ZFP91: variants seen among roughly 807,000 people sequenced by gnomAD.
ZFP91 encodes the protein ZFP91 zinc finger protein, atypical E3 ubiquitin ligase.
A neutral mutation model predicts 63.5 loss-of-function variants in ZFP91; 7 were observed. That is an observed-to-expected ratio of 0.11 (90% CI 0.06 to 0.21). ZFP91 has a LOEUF of 0.21. Among genes scored for constraint, ZFP91 ranks in the 10% least tolerant of loss-of-function variants. The probability of loss-of-function intolerance (pLI) is 1.00; values close to 1 mark genes in which losing one functional copy is unlikely to be tolerated. For synonymous variants in ZFP91, 330 were observed against 272.1 expected, an observed-to-expected ratio of 1.21 and a Z score of -2.10; for missense variants, 628 against 736.6, an observed-to-expected ratio of 0.85 and a Z score of 1.71.
rs1855177754 is a variant in ZFP91 at position 58,584,845 on chromosome 11, A to G, written c.342-11A>G. 6.5e-7 allele frequency: 1 copy of G among 1,533,942 alleles called. No homozygotes were observed. The highest frequency in any genetic ancestry group is 1.4e-5 in the African/African-American group (1 of 69,584). On this transcript the variant is annotated splice_polypyrimidine_tract_variant and intron_variant, in intron 1 of 10. Coordinates refer to ENST00000316059, the MANE Select transcript of ZFP91 (RefSeq NM_053023.5). ...GATTGTTCATTAATGTTTGATTCTT[A>G]TTTCTTTCAGATGCATAGAAAAAGT...
intron 2 of ZFP91, among the ~76,000 whole-genome samples, chr11:58,597,172 T>C (rs929563827): frequency 6.6e-6 from 1 of 152,208 alleles, no homozygotes; most frequent in Non-Finnish European, 1.5e-5. Context: ...CCTGACCTTT[T>C]TGTTGTACCA....
intron 2 of ZFP91, among the ~76,000 whole-genome samples, chr11:58,589,742 A>G (rs924205822): frequency 4.6e-5 from 7 of 152,204 alleles, no homozygotes; most frequent in Non-Finnish European, 1.5e-5. Flanking sequence ...ATCTTGTTCC[A>G]TGTTGGGTAT....
rs559933491 is a variant in ZFP91 at position 58,619,547 on chromosome 11, T to C, written c.*1841T>C. ...CTTATCAATTTTTTCAAAGAATTCT[T>C]TTTTCCCAAAAAGAGGAGTAACAAA... On this transcript the variant is annotated 3_prime_UTR_variant, in exon 11 of 11. Coordinates refer to ENST00000316059, the MANE Select transcript of ZFP91 (RefSeq NM_053023.5). The C allele has an allele frequency of 6.5e-6, 1 of 152,758 alleles. No individual in the cohort carries two copies. The highest frequency in any genetic ancestry group is 6.5e-5 in the Admixed American group (1 of 15,296). The allele number at this position is 152,758 out of a possible 1,614,324, so 9.5% of individuals were successfully genotyped here. A position where few individuals can be genotyped will look rare whatever the true frequency, so the allele number is the denominator to read the frequency against.
chr11:58,586,374 G>A (rs938688736), intron 2 of ZFP91, among the ~76,000 whole-genome samples: 7 of 152,072 alleles, frequency 4.6e-5, no homozygotes, highest in African/African-American at 1.7e-4. Flanking sequence ...ACAGGGTTTA[G>A]CCAGGCTGGA....
At chr11:58,613,709 T>G (rs770570554) in intron 8 of ZFP91, among the ~76,000 whole-genome samples, 4 of 151,204 alleles carry the variant, frequency 2.6e-5, no homozygotes, top group Non-Finnish European at 4.4e-5. Flanking sequence ...TTGAGTAGAT[T>G]ATTATTATTA....
chr11:58,607,921 C>T (rs1048594754), intron 2 of ZFP91, among the ~76,000 whole-genome samples: 1 of 151,928 alleles, frequency 6.6e-6, no homozygotes, highest in African/African-American at 2.4e-5. Flanking sequence ...AAACATAATA[C>T]AGTTAACCTC....
chr11:58,617,260 G>A lies in ZFP91; in HGVS notation c.1267G>A (p.Asp423Asn). 1 of 1,613,370 alleles carries A rather than the reference G, an allele frequency of 6.2e-7. No individual in the cohort carries two copies. The highest frequency in any genetic ancestry group is 8.5e-7 in the Non-Finnish European group (1 of 1,179,728). Residue 423 changes from aspartate to asparagine, a missense_variant, in exon 11 of 11, where the codon GAT becomes AAT. Around this residue, in one of 3 missense-constraint regions of ZFP91, gnomAD observed 76 missense variants for 230.9 expected, o/e 0.33. Transcript: ENST00000316059. This position sits in a 1 kb window ranked among gnomAD's most constrained non-coding sequence, Gnocchi z 4.2. ...TCTTAATTGGCACATGAAGAAACAT[G>A]ATGCAGACTCCTTCTACCAGTTTTC... ...ASLNWHMKKH[D>N]ADSFYQFSCN... is the part of the protein sequence containing the mutation.
intron 2 of ZFP91, among the ~76,000 whole-genome samples, chr11:58,603,254 G>C (rs1855520081): frequency 6.6e-6 from 1 of 152,198 alleles, no homozygotes; most frequent in Non-Finnish European, 1.5e-5. Flanking sequence ...ATATACTAAT[G>C]TGTGAGAGGA....
At chr11:58,590,874 C>G (rs568061749) in intron 2 of ZFP91, among the ~76,000 whole-genome samples, 1 of 150,466 alleles carries the variant, frequency 6.6e-6, no homozygotes, top group African/African-American at 2.4e-5. Context: ...ATTATTTAAC[C>G]GTTACCTAAC....
intron 2 of ZFP91, 86 bp downstream of exon 2, chr11:58,584,970 C>T: frequency 8.8e-7 from 1 of 1,137,738 alleles, no homozygotes. Flanking sequence ...CAAATTGGTT[C>T]CCATTTAAAA....
intron 4 of ZFP91, among the ~76,000 whole-genome samples, 171 bp from the exon 5 acceptor site, chr11:58,610,779 T>A (rs1393973387): frequency 6.6e-6 from 1 of 152,196 alleles, no homozygotes; most frequent in Non-Finnish European, 1.5e-5. Context: ...TAGTTTCAAT[T>A]ATTATTCTTT....
intron 2 of ZFP91, among the ~76,000 whole-genome samples, chr11:58,588,787 A>G (rs1855255821): frequency 2.0e-5 from 3 of 152,146 alleles, no homozygotes; most frequent in African/African-American, 7.2e-5. Context: ...AAAAATACAG[A>G]AGACACATTT....
chr11:58,610,889 A>C lies in ZFP91; in HGVS notation c.618-61A>C, dbSNP rs1287222248. 2.0e-6 allele frequency: 3 copies of C among 1,489,814 alleles called. No homozygotes were observed. The East Asian group carries it at 6.9e-5, about 34-fold the overall frequency. 92.3% of individuals were successfully genotyped at this position (1,489,814 alleles called of 1,614,324 possible). On this transcript the variant is annotated intron_variant, in intron 4 of 10. Coordinates refer to ENST00000316059, the MANE Select transcript of ZFP91 (RefSeq NM_053023.5). ...CTACCTCTTAAAAAATTACCAAATA[A>C]AATCCCCTCAGACATGTTCGCTACA... is the stretch of plus-strand genomic sequence containing the variant.
chr11:58,615,974 G>A (rs1221162134), intron 9 of ZFP91, among the ~76,000 whole-genome samples: 2 of 152,124 alleles, frequency 1.3e-5, no homozygotes, highest in African/African-American at 2.4e-5. Flanking sequence ...TCCCAAACAC[G>A]GTAAAGAAAT....
In ZFP91 at chr11:58,617,765, G is replaced by GA; in HGVS notation, c.*60dup. 3 of 1,429,044 alleles carry GA rather than the reference G, an allele frequency of 2.1e-6. No homozygotes were observed. Among genetic ancestry groups the GA allele is most frequent in the South Asian group, 1.7e-5 (1 of 58,042 alleles). 88.5% of individuals were successfully genotyped at this position (1,429,044 alleles called of 1,614,324 possible). A position where few individuals can be genotyped will look rare whatever the true frequency, so the allele number is the denominator to read the frequency against. ...GACTTTGTATTTAAAAGTTAAAAAG[G>GA]ACAAAAAAAAAATCTAAAGCATTTA... On this transcript the variant is annotated 3_prime_UTR_variant, in exon 11 of 11. Coordinates refer to ENST00000316059, the MANE Select transcript of ZFP91 (RefSeq NM_053023.5). The surrounding 1 kb of genome is among the most constrained non-coding windows in gnomAD (Gnocchi z 4.2).
intron 2 of ZFP91, among the ~76,000 whole-genome samples, chr11:58,591,839 G>T (rs1378765587): frequency 6.6e-6 from 1 of 152,102 alleles, no homozygotes; most frequent in East Asian, 1.9e-4. Flanking sequence ...AGCGAACCTT[G>T]CACCAGGTGA....
At chr11:58,600,061 C>T (rs940138727) in intron 2 of ZFP91, among the ~76,000 whole-genome samples, 1 of 151,966 alleles carries the variant, frequency 6.6e-6, no homozygotes, top group African/African-American at 2.4e-5. Context: ...AGTTTTATGC[C>T]GGTAATACAT....
chr11:58,589,450 C>T (rs942524961), intron 2 of ZFP91, among the ~76,000 whole-genome samples: 2 of 152,138 alleles, frequency 1.3e-5, no homozygotes, highest in African/African-American at 4.8e-5. Context: ...ACAACAACAA[C>T]AAAAGCCTCT....
At chr11:58,607,895 T>C (rs188274155) in intron 2 of ZFP91, among the ~76,000 whole-genome samples, 14 of 152,238 alleles carry the variant, frequency 9.2e-5, no homozygotes, top group African/African-American at 3.4e-4. Flanking sequence ...AGGTTGTTTC[T>C]GTTCTTTGCT....
Sources: allele counts gnomAD v4.1 joint callset (sites outside exome capture counted in the v4.1 genomes callset), GRCh38; gene constraint gnomAD v4.1.1; regional missense constraint gnomAD v4.1.1; non-coding constraint Gnocchi (gnomAD v3.1); transcripts MANE v1.5; gene names NCBI Gene and HGNC (gene_info 2026-07-23, HGNC 2026-07-21).